KCNH1: variants seen among roughly 807,000 people sequenced by gnomAD.
KCNH1 encodes voltage-gated delayed rectifier potassium channel KCNH1.
KCNH1 carries 27 observed loss-of-function variants against 69.2 expected under a neutral mutation model. The observed-to-expected ratio is 0.39, with a 90% CI of 0.29 to 0.54. The LOEUF (loss-of-function observed/expected upper bound fraction) is 0.54. KCNH1 is among the 20% of genes least tolerant of loss of function. KCNH1 has a pLI of 0.68. For missense variants in KCNH1, 798 were observed against 1,261.6 expected, an observed-to-expected ratio of 0.63 and a Z score of 5.57; for synonymous variants, 456 against 487.7, an observed-to-expected ratio of 0.93 and a Z score of 0.86.
At chr1:210,684,880 C>T (rs2357921) in intron 10 of KCNH1, among the ~76,000 whole-genome samples, 63,537 of 152,054 alleles carry the variant, frequency 0.42, 15,353 homozygotes, top group South Asian at 0.58. Context: ...CTTTTGACAG[C>T]ACTGTAAGGT....
intron 10 of KCNH1, among the ~76,000 whole-genome samples, chr1:210,704,404 C>T (rs193151361): frequency 6.4e-4 from 98 of 152,294 alleles, no homozygotes; most frequent in Admixed American, 1.6e-3. Flanking sequence ...ATAACAAAGG[C>T]AGAGGAGTCC....
At chr1:211,106,654 G>A (rs1279252176) in intron 2 of KCNH1, among the ~76,000 whole-genome samples, 1 of 143,664 alleles carries the variant, frequency 7.0e-6, no homozygotes, top group Non-Finnish European at 1.5e-5. Context: ...AATTAGCCAG[G>A]TGTGGTGGCA....
chr1:210,777,296 A>C (rs1683880770), intron 9 of KCNH1, among the ~76,000 whole-genome samples: 1 of 152,246 alleles, frequency 6.6e-6, no homozygotes, highest in Non-Finnish European at 1.5e-5. Flanking sequence ...ATGTGAGCTG[A>C]AAAACATTTA....
At chr1:211,062,055 A>C (rs1400039137) in intron 5 of KCNH1, among the ~76,000 whole-genome samples, 1 of 152,128 alleles carries the variant, frequency 6.6e-6, no homozygotes, top group East Asian at 1.9e-4. Context: ...ACATTATCTG[A>C]CTTCAAATTA....
At chr1:210,776,185 A>G (rs914620915) in intron 9 of KCNH1, among the ~76,000 whole-genome samples, 3 of 152,128 alleles carry the variant, frequency 2.0e-5, no homozygotes, top group African/African-American at 7.2e-5. Context: ...TCCTTACCAT[A>G]GCATGTCCAC....
At chr1:210,933,676 A>C (rs1687724363) in intron 6 of KCNH1, among the ~76,000 whole-genome samples, 1 of 152,164 alleles carries the variant, frequency 6.6e-6, no homozygotes, top group South Asian at 2.1e-4. Flanking sequence ...GACCCAAGTA[A>C]ATAAAATCAG....
intron 5 of KCNH1, among the ~76,000 whole-genome samples, chr1:211,033,607 C>T (rs1689835728): frequency 6.6e-6 from 1 of 152,156 alleles, no homozygotes; most frequent in African/African-American, 2.4e-5. Flanking sequence ...AGTTCATGTC[C>T]TTTGTAGGGA....
At chr1:210,974,060 A>G (rs746266530) in intron 6 of KCNH1, among the ~76,000 whole-genome samples, 2 of 152,132 alleles carry the variant, frequency 1.3e-5, no homozygotes, top group Non-Finnish European at 2.9e-5. Context: ...ATGCAGTTCA[A>G]TGATTACTTT....
rs58908884 is a variant in KCNH1 at position 210,726,810 on chromosome 1, C to CAA, written c.2113-42673_2113-42672insTT. On this transcript the variant is annotated intron_variant, in intron 10 of 10. Transcript: ENST00000271751. ...TTCAGAACCATGGACAGTTCCCCGG[C>CAA]GGGGGTGGGGTGGACTACTCTCCTC... is the stretch of plus-strand genomic sequence containing the variant. Among the ~76,000 whole-genome samples the CAA allele has an allele frequency of 4.3e-3, 631 of 146,732 alleles. 5 individuals carry two copies. Among genetic ancestry groups the CAA allele is most frequent in the African/African-American group, 0.015 (569 of 37,234 alleles).
At chr1:210,795,810 G>A (rs780431676) in intron 9 of KCNH1, among the ~76,000 whole-genome samples, 3 of 152,004 alleles carry the variant, frequency 2.0e-5, no homozygotes, top group Non-Finnish European at 2.9e-5. Context: ...GCAACTTAAT[G>A]GGCTAGCATA....
intron 6 of KCNH1, among the ~76,000 whole-genome samples, chr1:211,017,412 T>G (rs1689512047): frequency 6.6e-6 from 1 of 152,128 alleles, no homozygotes; most frequent in Non-Finnish European, 1.5e-5. Flanking sequence ...GAAATGTGTC[T>G]TGAGCCTCAA....
rs150936229 is a variant in KCNH1 at position 210,869,275 on chromosome 1, C to T, written c.1462+50365G>A. Among the ~76,000 whole-genome samples the T allele has an allele frequency of 4.6e-3, 702 of 152,044 alleles. 4 individuals carry two copies. Among genetic ancestry groups the T allele is most frequent in the African/African-American group, 0.016 (658 of 41,500 alleles). The stretch of plus-strand genomic sequence containing the variant: ...TGTTTATCCTTCTTGGAGTTGTTGA[C>T]CTGCTTGGATCTATGAGTTTATAAT... On this transcript the variant is annotated intron_variant, in intron 7 of 10. Coordinates refer to ENST00000271751, the MANE Select transcript of KCNH1 (RefSeq NM_172362.3).
chr1:210,733,079 A>T (rs368181567), intron 10 of KCNH1, among the ~76,000 whole-genome samples: 1 of 152,180 alleles, frequency 6.6e-6, no homozygotes, highest in African/African-American at 2.4e-5. Flanking sequence ...GCTTTTGGTG[A>T]CAGAAGAACC....
chr1:210,762,033 T>C (rs1314110856), intron 10 of KCNH1, among the ~76,000 whole-genome samples: 1 of 151,808 alleles, frequency 6.6e-6, no homozygotes, highest in African/African-American at 2.4e-5. Flanking sequence ...AAAATCAAAA[T>C]CATACAGTGG....
intron 10 of KCNH1, among the ~76,000 whole-genome samples, chr1:210,770,247 C>G (rs1384027857): frequency 6.6e-6 from 1 of 152,156 alleles, no homozygotes; most frequent in East Asian, 1.9e-4. Flanking sequence ...GGACAAAAAC[C>G]TAATGCACAT....
intron 7 of KCNH1, among the ~76,000 whole-genome samples, chr1:210,854,251 G>GT (rs1272666368): frequency 6.6e-6 from 1 of 152,080 alleles, no homozygotes; most frequent in Non-Finnish European, 1.5e-5. Context: ...TAATGAATAA[G>GT]TTTATATCTC....
intron 7 of KCNH1, among the ~76,000 whole-genome samples, chr1:210,807,066 C>T (rs1684600028): frequency 6.7e-6 from 1 of 150,310 alleles, no homozygotes; most frequent in African/African-American, 2.4e-5. Flanking sequence ...TCTGTGTACC[C>T]TTCACCCAGT....
chr1:211,133,983 C>A lies in KCNH1; in HGVS notation c.-38G>T. 6.4e-7 allele frequency: 1 copy of A among 1,572,806 alleles called. No individual in the cohort carries two copies. The highest frequency in any genetic ancestry group is 2.3e-5 in the East Asian group (1 of 43,740). ...TCGGGGTCCGGCGGGCGTCCTGGCG[C>A]GGCTTCTTACGACAGCAGGAAACTG... is the stretch of plus-strand genomic sequence containing the variant. On this transcript the variant is annotated 5_prime_UTR_variant, in exon 1 of 11. Transcript: ENST00000271751. The surrounding 1 kb of genome is among the most constrained non-coding windows in gnomAD (Gnocchi z 5.4).
intron 9 of KCNH1, among the ~76,000 whole-genome samples, chr1:210,795,299 A>G (rs1455786965): frequency 6.6e-6 from 1 of 151,954 alleles, no homozygotes; most frequent in African/African-American, 2.4e-5. Flanking sequence ...AGCATATACC[A>G]CCATGCCCAT....
Sources: gnomAD v4.1 joint callset for allele counts (sites outside exome capture counted in the v4.1 genomes callset) on GRCh38, gnomAD v4.1.1 for gene constraint, Gnocchi (gnomAD v3.1) non-coding constraint, MANE v1.5 for transcripts, NCBI Gene and HGNC (gene_info 2026-07-23, HGNC 2026-07-21) for gene names.